The following CAMK1D variants were observed in gnomAD, a reference collection of about 807,000 sequenced individuals.
CAMK1D encodes the protein calcium/calmodulin dependent protein kinase ID, also known as calcium/calmodulin-dependent protein kinase type 1D.
Under a neutral mutation model 47.7 loss-of-function variants are expected in CAMK1D, and 9 were observed. That is an observed-to-expected ratio of 0.19 (90% confidence interval 0.11 to 0.33). The LOEUF is 0.33. Among genes scored for constraint, CAMK1D ranks in the 10% least tolerant of loss-of-function variants. The pLI is 1.00. For missense variants in CAMK1D, 291 were observed against 488.7 expected (o/e 0.60, Z 3.81); for synonymous variants, 184 against 184.9 (o/e 0.99, Z 0.04).
intron 2 of CAMK1D, among the ~76,000 whole-genome samples, chr10:12,596,756 A>G (rs991351189): frequency 6.6e-6 from 1 of 152,020 alleles, no homozygotes; most frequent in Non-Finnish European, 1.5e-5. Flanking sequence ...CTCTGGAGAC[A>G]CTGTGTTCAC....
At chr10:12,472,788 C>T (rs1460435762) in intron 1 of CAMK1D, among the ~76,000 whole-genome samples, 2 of 152,194 alleles carry the variant, frequency 1.3e-5, no homozygotes, top group Non-Finnish European at 2.9e-5. Flanking sequence ...TCCCAAAGTG[C>T]TGGGATTACA....
chr10:12,519,246 AC>A (rs1354136979), intron 1 of CAMK1D, among the ~76,000 whole-genome samples: 1 of 50,100 alleles, frequency 2.0e-5, no homozygotes, highest in East Asian at 5.3e-4. Flanking sequence ...CGGGGGGCTG[AC>A]CCCCCCACCT....
chr10:12,465,351 TTTTTA>T (rs1482383608), intron 1 of CAMK1D, among the ~76,000 whole-genome samples: 1 of 152,174 alleles, frequency 6.6e-6, no homozygotes, highest in South Asian at 2.1e-4. Flanking sequence ...CAATCTTTTA[TTTTTA>T]TTTTATTTTA....
intron 2 of CAMK1D, among the ~76,000 whole-genome samples, chr10:12,657,814 C>A (rs79278355): frequency 0.047 from 7,232 of 152,276 alleles, 238 homozygotes; most frequent in Middle Eastern, 0.071. Flanking sequence ...TACATACAAA[C>A]AGATACCTGG....
At chr10:12,373,153 T>C (rs1418469070) in intron 1 of CAMK1D, among the ~76,000 whole-genome samples, 1 of 151,964 alleles carries the variant, frequency 6.6e-6, no homozygotes, top group Non-Finnish European at 1.5e-5. Flanking sequence ...TGGTACTGTG[T>C]CCATGCCTAA....
At chr10:12,515,406 T>C (rs1318114194) in intron 1 of CAMK1D, among the ~76,000 whole-genome samples, 7 of 78,854 alleles carry the variant, frequency 8.9e-5, no homozygotes, top group Admixed American at 2.6e-4. Flanking sequence ...CCTTTTCTTT[T>C]TTTTTTTTTT....
chr10:12,552,305 T>A (rs1836610439), intron 1 of CAMK1D, among the ~76,000 whole-genome samples: 1 of 152,208 alleles, frequency 6.6e-6, no homozygotes, highest in Non-Finnish European at 1.5e-5. Context: ...AGCCCTTGCT[T>A]GTTAGTTTCT....
chr10:12,384,488 A>T (rs1838432831), intron 1 of CAMK1D, among the ~76,000 whole-genome samples: 2 of 152,258 alleles, frequency 1.3e-5, no homozygotes, highest in South Asian at 4.1e-4. Context: ...CCTGGTGTAT[A>T]GATCAGTGGA....
At chr10:12,386,444 A>C (rs1564306238) in intron 1 of CAMK1D, among the ~76,000 whole-genome samples, 1 of 151,652 alleles carries the variant, frequency 6.6e-6, no homozygotes, top group African/African-American at 2.4e-5. Flanking sequence ...ACTCTGTCTC[A>C]AAAAAAACAA....
intron 5 of CAMK1D, among the ~76,000 whole-genome samples, chr10:12,788,629 C>T (rs1837840181): frequency 1.3e-5 from 2 of 152,250 alleles, no homozygotes; most frequent in Admixed American, 6.5e-5. Context: ...TGTTTGGCCA[C>T]TGGGACCAGA....
chr10:12,527,918 A>G (rs928283979), intron 1 of CAMK1D, among the ~76,000 whole-genome samples: 3 of 152,198 alleles, frequency 2.0e-5, no homozygotes, highest in Non-Finnish European at 4.4e-5. Flanking sequence ...TGTCCCCTAT[A>G]TTTAGAACAA....
chr10:12,410,010 C>G (rs536340913), intron 1 of CAMK1D, among the ~76,000 whole-genome samples: 1 of 152,306 alleles, frequency 6.6e-6, no homozygotes, highest in South Asian at 2.1e-4. Flanking sequence ...CAGGGCTTCT[C>G]TATGTTATAA....
chr10:12,767,628 G>C (rs1240547152), intron 4 of CAMK1D, among the ~76,000 whole-genome samples: 1 of 152,176 alleles, frequency 6.6e-6, no homozygotes, highest in East Asian at 1.9e-4. Flanking sequence ...CAATCAGTAT[G>C]TGTAAGATGT....
intron 2 of CAMK1D, among the ~76,000 whole-genome samples, chr10:12,612,513 G>A (rs1838661879): frequency 6.6e-6 from 1 of 151,946 alleles, no homozygotes. Flanking sequence ...GTGGCCTCAG[G>A]TTGGGTTTTA....
intron 6 of CAMK1D, among the ~76,000 whole-genome samples, chr10:12,813,786 A>G (rs531106195): frequency 6.6e-6 from 1 of 151,848 alleles, no homozygotes; most frequent in East Asian, 1.9e-4. Context: ...TCTGAGACAG[A>G]GTCTCGCTCT....
At chr10:12,584,709 A>G (rs1182669741) in intron 2 of CAMK1D, among the ~76,000 whole-genome samples, 1 of 152,154 alleles carries the variant, frequency 6.6e-6, no homozygotes, top group Non-Finnish European at 1.5e-5. Context: ...GGTCCCAACT[A>G]TTAGGAAGGC....
intron 1 of CAMK1D, among the ~76,000 whole-genome samples, chr10:12,428,543 G>C (rs777009890): frequency 6.6e-6 from 1 of 152,028 alleles, no homozygotes; most frequent in East Asian, 1.9e-4. Flanking sequence ...TAGCTTTCCC[G>C]TGGGGTTCTG....
intron 2 of CAMK1D, among the ~76,000 whole-genome samples, chr10:12,617,016 C>G (rs962566753): frequency 6.6e-6 from 1 of 151,732 alleles, no homozygotes; most frequent in Non-Finnish European, 1.5e-5. Flanking sequence ...TTTTAATATC[C>G]CTGTCTAGTC....
intron 1 of CAMK1D, among the ~76,000 whole-genome samples, chr10:12,499,200 C>T (rs1419146452): frequency 6.6e-6 from 1 of 151,160 alleles, no homozygotes; most frequent in African/African-American, 2.4e-5. Flanking sequence ...CTGGGCAGTT[C>T]TTTCCTATGT....
Sources: allele counts gnomAD v4.1 joint callset (sites outside exome capture counted in the v4.1 genomes callset), GRCh38; gene constraint gnomAD v4.1.1; transcripts MANE v1.5; gene names NCBI Gene and HGNC (gene_info 2026-07-23, HGNC 2026-07-21).